HERC4: variants seen among roughly 807,000 people sequenced by gnomAD.
The protein encoded by HERC4 is HECT and RLD domain containing E3 ubiquitin protein ligase 4.
A neutral mutation model predicts 124.3 loss-of-function variants in HERC4; 28 were observed. The ratio of observed to expected loss-of-function variants is 0.23; its 90% CI spans 0.17 to 0.31. The LOEUF is 0.31. Among genes scored for constraint, HERC4 ranks in the 10% least tolerant of loss-of-function variants. The probability of loss-of-function intolerance (pLI) is 1.00; values close to 1 mark genes in which losing one functional copy is unlikely to be tolerated. For missense variants in HERC4, 713 were observed against 1,229.3 expected (o/e 0.58, Z 6.28); for synonymous variants, 407 against 421.5 (o/e 0.97, Z 0.42).
At chr10:68,046,525 C>T (rs2040018156) in intron 3 of HERC4, among the ~76,000 whole-genome samples, 1 of 152,146 alleles carries the variant, frequency 6.6e-6, no homozygotes. Context: ...GTGCTCCAAG[C>T]ACTGGAGAGA....
At chr10:68,049,633 C>T (rs554628218) in intron 3 of HERC4, among the ~76,000 whole-genome samples, 67 of 128,940 alleles carry the variant, frequency 5.2e-4, no homozygotes, top group African/African-American at 1.8e-3. Flanking sequence ...AACTAACAAA[C>T]GAACAGGCAC....
chr10:67,944,067 C>G (rs1193755776), intron 19 of HERC4, among the ~76,000 whole-genome samples: 1 of 152,250 alleles, frequency 6.6e-6, no homozygotes, highest in Non-Finnish European at 1.5e-5. Context: ...GGCTTCACCA[C>G]CTGCTGACTG....
intron 3 of HERC4, among the ~76,000 whole-genome samples, chr10:68,049,642 A>C (rs1001327305): frequency 1.3e-5 from 2 of 150,440 alleles, no homozygotes; most frequent in African/African-American, 4.9e-5. Flanking sequence ...ACGAACAGGC[A>C]CAGTGGCTCA....
intron 3 of HERC4, among the ~76,000 whole-genome samples, chr10:68,061,514 C>CA (rs2041010270): frequency 9.1e-6 from 1 of 109,460 alleles, no homozygotes; most frequent in South Asian, 3.0e-4. Context: ...GCCTGGGCGA[C>CA]AGAGCAAGAC....
chr10:68,025,480 T>C, intron 8 of HERC4, 66 bp downstream of exon 8: 2 of 1,488,572 alleles, frequency 1.3e-6, no homozygotes, highest in Non-Finnish European at 9.0e-7. Flanking sequence ...TCTGAAACAA[T>C]TCAATAAGCA....
intron 15 of HERC4, among the ~76,000 whole-genome samples, chr10:67,973,872 C>A (rs754671198): frequency 1.3e-5 from 2 of 151,796 alleles, no homozygotes; most frequent in Non-Finnish European, 2.9e-5. Flanking sequence ...CATGGTGAAA[C>A]CCCATCTCTA....
chr10:67,936,038 C>T (rs1465314561), intron 22 of HERC4, 115 bp downstream of exon 22: 1 of 604,408 alleles, frequency 1.7e-6, no homozygotes, highest in East Asian at 2.9e-5. Context: ...ACTAACCACT[C>T]AAAATTAAAG....
intron 9 of HERC4, among the ~76,000 whole-genome samples, chr10:68,001,091 C>G (rs1589288048): frequency 1.3e-5 from 2 of 152,298 alleles, no homozygotes; most frequent in African/African-American, 2.4e-5. Context: ...CTTTTGTCAG[C>G]CGGGTGCAGT....
intron 15 of HERC4, among the ~76,000 whole-genome samples, chr10:67,972,435 C>A (rs761008260): frequency 6.9e-6 from 1 of 143,950 alleles, no homozygotes; most frequent in Non-Finnish European, 1.5e-5. Flanking sequence ...ACAGAAGAAT[C>A]GCTTGAATCC....
intron 15 of HERC4, among the ~76,000 whole-genome samples, chr10:67,974,591 T>C (rs7080601): frequency 0.079 from 12,050 of 152,200 alleles, 1,264 homozygotes; most frequent in African/African-American, 0.24. Flanking sequence ...TTAAGAGATA[T>C]TGCCTATAGT....
chr10:68,060,044 T>G (rs760628986), intron 3 of HERC4, among the ~76,000 whole-genome samples: 3 of 148,016 alleles, frequency 2.0e-5, no homozygotes, highest in Non-Finnish European at 3.0e-5. Context: ...AATTTCAACT[T>G]TGGCAGAATT....
rs757779144 is a variant in HERC4 at position 68,075,222 on chromosome 10, G to A, written c.-187C>T. The A allele has an allele frequency of 6.5e-6, 1 of 153,208 alleles. No individual in the cohort carries two copies. The highest frequency in any genetic ancestry group is 2.4e-5 in the African/African-American group (1 of 41,430). The allele number at this position is 153,208 out of a possible 1,614,324, so 9.5% of individuals were successfully genotyped here. On this transcript the variant is annotated 5_prime_UTR_variant, in exon 1 of 25. Transcript: ENST00000373700. ...TCAGCGACCCGGATGGAGCGGGCGGGGAAGAACGGGAGGCAAGCGGGGCGG... is the reference window on the plus strand; with the variant it reads ...TCAGCGACCCGGATGGAGCGGGCGGAGAAGAACGGGAGGCAAGCGGGGCGG...
chr10:67,954,926 A>G, intron 18 of HERC4, 37 bp downstream of exon 18: 1 of 1,541,590 alleles, frequency 6.5e-7, no homozygotes, highest in Non-Finnish European at 8.7e-7. Flanking sequence ...GCTTCTGAAT[A>G]AAAGTCCCAA....
intron 15 of HERC4, among the ~76,000 whole-genome samples, chr10:67,974,045 C>CA (rs11406155): frequency 0.13 from 4,945 of 38,402 alleles, 534 homozygotes; most frequent in East Asian, 0.42. Flanking sequence ...GACTCTGTCT[C>CA]AAAAAAAAAA....
chr10:68,010,397 C>T, intron 9 of HERC4: 1 of 989,096 alleles, frequency 1.0e-6, no homozygotes, highest in South Asian at 1.4e-5. Context: ...ACCCAGCAGC[C>T]TCAAAATCCT....
intron 15 of HERC4, among the ~76,000 whole-genome samples, chr10:67,980,211 T>C (rs1360222772): frequency 6.6e-6 from 1 of 152,098 alleles, no homozygotes; most frequent in African/African-American, 2.4e-5. Context: ...TTCCAGATAG[T>C]CATCAAAACA....
chr10:68,061,708 G>A (rs1214369442), intron 3 of HERC4, among the ~76,000 whole-genome samples: 6 of 150,702 alleles, frequency 4.0e-5, no homozygotes, highest in Admixed American at 3.3e-4. Context: ...GTGAAACCAC[G>A]TCTCTACTAA....
rs529155466 is a variant in HERC4, at chr10:67,930,274, T to G, written c.2838+2323A>C. Reference sequence around the variant, plus strand: ...AAATTAAGGCAAAACACACATACCATAAAGTTTGTATCTTAACCATTTTAA... The same window carrying G: ...AAATTAAGGCAAAACACACATACCAGAAAGTTTGTATCTTAACCATTTTAA... On this transcript the variant is annotated intron_variant, in intron 23 of 24. Transcript: ENST00000373700. Among the ~76,000 whole-genome samples, 70 of 152,254 alleles carry G rather than the reference T, an allele frequency of 4.6e-4. 1 individual carries two copies. The South Asian group carries it at 0.015, about 32-fold the overall frequency.
chr10:67,932,687 A>G lies in HERC4; in HGVS notation c.2748T>C (p.Cys916=), dbSNP rs2031949777. 6.2e-7 allele frequency: 1 copy of G among 1,606,124 alleles called. No individual in the cohort carries two copies. The highest frequency in any genetic ancestry group is 8.5e-7 in the Non-Finnish European group (1 of 1,178,300). The change falls in exon 23 of 25, where the codon TGT becomes TGC. Residue 916 remains cysteine, a synonymous_variant. Transcript: ENST00000373700. ...GAAAGAGCAGAAGGACTTTTCCTCC[A>G]CAGACCTTATGAAAGCCCGCATGAA... is the stretch of plus-strand genomic sequence containing the variant. ...DAFHAGFHKV[C]GGKVLLLFQP...
Sources: allele counts gnomAD v4.1 joint callset (sites outside exome capture counted in the v4.1 genomes callset), GRCh38; gene constraint gnomAD v4.1.1; transcripts MANE v1.5; gene names NCBI Gene and HGNC (gene_info 2026-07-23, HGNC 2026-07-21).